Variants in GAP43 observed in about 807,000 individuals in gnomAD.
The protein encoded by GAP43 is neuromodulin.
GAP43 carries 6 observed loss-of-function variants against 18.6 expected under a neutral mutation model. The ratio of observed to expected loss-of-function variants is 0.32; its 90% CI spans 0.18 to 0.64. The LOEUF is 0.64. Ranked by LOEUF, GAP43 falls within the 30% of genes least tolerant of loss-of-function variation. GAP43 has a pLI of 0.78. For synonymous variants in GAP43, 115 were observed against 111.4 expected (o/e 1.03, Z -0.20); for missense variants, 292 against 295.5 (o/e 0.99, Z 0.09).
intron 1 of GAP43, among the ~76,000 whole-genome samples, chr3:115,630,022 T>A (rs1160355849): frequency 6.6e-6 from 1 of 152,050 alleles, no homozygotes. Flanking sequence ...TGGCACTATC[T>A]CCCCTCCATG....
intron 2 of GAP43, among the ~76,000 whole-genome samples, chr3:115,706,943 G>A (rs547493917): frequency 1.3e-5 from 2 of 152,246 alleles, no homozygotes; most frequent in South Asian, 4.2e-4. Flanking sequence ...GTCATTTAAT[G>A]TTCATCACAA....
At chr3:115,706,392 C>A (rs934396415) in intron 2 of GAP43, among the ~76,000 whole-genome samples, 2 of 104,160 alleles carry the variant, frequency 1.9e-5, no homozygotes, top group Admixed American at 1.9e-4. Context: ...GATTTACTAC[C>A]CAGCTGGGGG....
rs149770900 is a variant in GAP43, at chr3:115,662,776, G to T, written c.31-13237G>T. On this transcript the variant is annotated intron_variant, in intron 1 of 2. Coordinates refer to ENST00000305124, the MANE Select transcript of GAP43 (RefSeq NM_002045.4). ...GCCATGTGACATCACTTATGAGAGG[G>T]TTGTGGCATGTCTCATAGTGTTGTA... is the stretch of plus-strand genomic sequence containing the variant. Among the ~76,000 whole-genome samples, 16 of 152,208 alleles carry T rather than the reference G, an allele frequency of 1.1e-4. No individual in the cohort carries two copies. The East Asian group carries it at 3.1e-3, about 29-fold the overall frequency.
At chr3:115,634,668 G>T (rs551461723) in intron 1 of GAP43, among the ~76,000 whole-genome samples, 199 of 152,124 alleles carry the variant, frequency 1.3e-3, no homozygotes, top group African/African-American at 3.9e-3. Flanking sequence ...TACTCTGAAG[G>T]CTGATGAGGA....
chr3:115,623,722 A>G lies in GAP43; in HGVS notation c.30+3A>G. 2 of 1,614,194 alleles carry G rather than the reference A, an allele frequency of 1.2e-6. No individual in the cohort carries two copies. The highest frequency in any genetic ancestry group is 1.7e-6 in the Non-Finnish European group (2 of 1,179,976). Reference sequence around the variant, plus strand: ...GCTGTATGAGAAGAACCAAACAGGTAGAGCTAAAGATTTTTTACTTCTTGC... The same window carrying G: ...GCTGTATGAGAAGAACCAAACAGGTGGAGCTAAAGATTTTTTACTTCTTGC... On this transcript the variant is annotated splice_donor_region_variant and intron_variant, in intron 1 of 2. Coordinates refer to ENST00000305124, the MANE Select transcript of GAP43 (RefSeq NM_002045.4).
intron 1 of GAP43, among the ~76,000 whole-genome samples, chr3:115,630,969 T>A (rs1405869221): frequency 6.6e-6 from 1 of 152,154 alleles, no homozygotes; most frequent in Non-Finnish European, 1.5e-5. Context: ...TGATGGGTCA[T>A]TAGGGGAGAT....
chr3:115,690,093 C>T (rs917143869), intron 2 of GAP43, among the ~76,000 whole-genome samples: 4 of 152,230 alleles, frequency 2.6e-5, no homozygotes, highest in African/African-American at 4.8e-5. Context: ...TGGGATCTTC[C>T]AGCACTAGCG....
intron 2 of GAP43, among the ~76,000 whole-genome samples, chr3:115,696,992 G>A (rs1012179238): frequency 2.6e-5 from 4 of 151,158 alleles, no homozygotes; most frequent in Admixed American, 2.6e-4. Context: ...ACCACACCCG[G>A]CTAAATTTTG....
chr3:115,641,052 A>G (rs1477340388), intron 1 of GAP43, among the ~76,000 whole-genome samples: 5 of 90,698 alleles, frequency 5.5e-5, no homozygotes, highest in East Asian at 2.9e-4. Context: ...TTTTTTTTCA[A>G]TGAGGTTTTA....
chr3:115,698,723 C>T (rs943413723), intron 2 of GAP43, among the ~76,000 whole-genome samples: 7 of 152,038 alleles, frequency 4.6e-5, no homozygotes, highest in Admixed American at 6.6e-5. Context: ...GGGAAGGGAC[C>T]AGGGTGACAG....
intron 2 of GAP43, among the ~76,000 whole-genome samples, chr3:115,715,989 G>T (rs1302904477): frequency 6.6e-6 from 1 of 152,156 alleles, no homozygotes; most frequent in African/African-American, 2.4e-5. Context: ...GTGAAATGGG[G>T]TGATTAAGGT....
intron 2 of GAP43, among the ~76,000 whole-genome samples, chr3:115,702,426 C>A (rs906784972): frequency 6.6e-6 from 1 of 151,938 alleles, no homozygotes; most frequent in Non-Finnish European, 1.5e-5. Context: ...AAGAAAAAAA[C>A]TAGACCCAGA....
intron 1 of GAP43, among the ~76,000 whole-genome samples, chr3:115,661,916 A>T (rs1215718046): frequency 6.8e-6 from 1 of 146,364 alleles, no homozygotes; most frequent in Non-Finnish European, 1.5e-5. Flanking sequence ...GGACCATTTC[A>T]TGAATTTCTC....
intron 1 of GAP43, among the ~76,000 whole-genome samples, chr3:115,668,258 G>A (rs1183321922): frequency 6.6e-6 from 1 of 152,018 alleles, no homozygotes. Context: ...TCGCAACACT[G>A]GGCTCTTCCA....
chr3:115,673,488 G>C (rs1708839621), intron 1 of GAP43, among the ~76,000 whole-genome samples: 1 of 152,218 alleles, frequency 6.6e-6, no homozygotes. Context: ...TTCACAAACA[G>C]CAGTATTTGT....
chr3:115,691,356 CCTAT>C (rs1464710205), intron 2 of GAP43, among the ~76,000 whole-genome samples: 31 of 152,292 alleles, frequency 2.0e-4, no homozygotes, highest in African/African-American at 7.0e-4. Context: ...TGGAATCGGA[CCTAT>C]CTATGTTTGA....
rs533391615 is a variant in GAP43, at chr3:115,678,473, G to A, written c.628+1863G>A. On this transcript the variant is annotated intron_variant, in intron 2 of 2. Coordinates refer to ENST00000305124, the MANE Select transcript of GAP43 (RefSeq NM_002045.4). ...AGAAATTAAGTTTTATTATGTTTCAGGTTATGATAACTAACTGCAAATGAA... is the reference window on the plus strand; with the variant it reads ...AGAAATTAAGTTTTATTATGTTTCAAGTTATGATAACTAACTGCAAATGAA... 2.6e-5 allele frequency among the ~76,000 whole-genome samples: 4 copies of A among 152,086 alleles called. No individual in the cohort carries two copies. In the South Asian group the frequency reaches 8.3e-4, roughly 32 times the overall value.
At chr3:115,658,142 C>T (rs560064014) in intron 1 of GAP43, among the ~76,000 whole-genome samples, 69 of 152,278 alleles carry the variant, frequency 4.5e-4, no homozygotes, top group Non-Finnish European at 8.2e-4. Context: ...AGACCCCAGA[C>T]TCAAACAAAA....
chr3:115,708,613 C>A (rs1372282370), intron 2 of GAP43, among the ~76,000 whole-genome samples: 1 of 152,192 alleles, frequency 6.6e-6, no homozygotes, highest in Non-Finnish European at 1.5e-5. Flanking sequence ...CTCTGAAGCA[C>A]AAACTGCACC....
Sources: gnomAD v4.1 joint callset for allele counts (sites outside exome capture counted in the v4.1 genomes callset) on GRCh38, gnomAD v4.1.1 for gene constraint, MANE v1.5 for transcripts, NCBI Gene and HGNC (gene_info 2026-07-23, HGNC 2026-07-21) for gene names.